The following UVRAG variants were observed in gnomAD, a reference collection of about 807,000 sequenced individuals.
UVRAG encodes UV radiation resistance-associated gene protein.
UVRAG carries 19 observed loss-of-function variants against 78.0 expected under a neutral mutation model. The observed-to-expected ratio is 0.24, with a 90% CI of 0.17 to 0.36. The LOEUF (loss-of-function observed/expected upper bound fraction) is 0.36. Among genes scored for constraint, UVRAG ranks in the 10% least tolerant of loss-of-function variants. The pLI, the probability that UVRAG is intolerant of heterozygous loss-of-function variation, is 1.00. For missense variants in UVRAG, 740 were observed against 853.8 expected (o/e 0.87, Z 1.66); for synonymous variants, 323 against 324.6 (o/e 1.00, Z 0.05).
At chr11:76,136,481 C>A (rs1450474164) in intron 14 of UVRAG, among the ~76,000 whole-genome samples, 1 of 150,900 alleles carries the variant, frequency 6.6e-6, no homozygotes, top group Non-Finnish European at 1.5e-5. Context: ...ATACCAGAAA[C>A]ACAGCTTTAG....
intron 6 of UVRAG, among the ~76,000 whole-genome samples, chr11:75,932,505 C>T (rs193084004): frequency 5.3e-5 from 8 of 152,034 alleles, no homozygotes; most frequent in South Asian, 2.1e-4. Context: ...AGGATGGTCT[C>T]GATCTCCTGA....
chr11:75,991,825 A>G (rs995144797), intron 8 of UVRAG, among the ~76,000 whole-genome samples: 2 of 152,158 alleles, frequency 1.3e-5, no homozygotes, highest in Non-Finnish European at 2.9e-5. Flanking sequence ...TTATAAGCAA[A>G]TGAACATCTA....
At chr11:76,061,599 C>T (rs941572908) in intron 12 of UVRAG, among the ~76,000 whole-genome samples, 4 of 151,828 alleles carry the variant, frequency 2.6e-5, no homozygotes, top group African/African-American at 4.8e-5. Context: ...CAACTCCAGA[C>T]GCGCCACCTT....
chr11:76,018,405 T>G lies in UVRAG; in HGVS notation c.1226+1425T>G, dbSNP rs560442257. Among the ~76,000 whole-genome samples the G allele has an allele frequency of 3.9e-5, 6 of 152,202 alleles. No homozygotes were observed. The East Asian group carries it at 5.8e-4, about 15-fold the overall frequency. The stretch of plus-strand genomic sequence containing the variant: ...AATTATTTGGTTCCACTGTGTTTTT[T>G]TTGTTGTTGTTGTTTGTTTTTTTGA... On this transcript the variant is annotated intron_variant, in intron 12 of 14. Coordinates refer to ENST00000356136, the MANE Select transcript of UVRAG (RefSeq NM_003369.4).
chr11:76,008,699 T>C (rs1949996193), intron 10 of UVRAG, 108 bp from the exon 11 acceptor site: 3 of 536,960 alleles, frequency 5.6e-6, no homozygotes, highest in Non-Finnish European at 9.9e-6. Context: ...ATGATAATAC[T>C]TGGAGTTTAG....
chr11:75,862,594 T>C (rs1946446861), intron 3 of UVRAG, among the ~76,000 whole-genome samples: 1 of 152,234 alleles, frequency 6.6e-6, no homozygotes, highest in Non-Finnish European at 1.5e-5. Flanking sequence ...TCCTTATGTC[T>C]AGAACACTTG....
intron 6 of UVRAG, among the ~76,000 whole-genome samples, chr11:75,937,798 A>C (rs907202076): frequency 1.6e-4 from 25 of 152,098 alleles, no homozygotes; most frequent in African/African-American, 6.0e-4. Context: ...GATATTTTGC[A>C]ACCATTAATT....
chr11:75,897,975 TTC>T (rs1390132885), intron 5 of UVRAG, among the ~76,000 whole-genome samples: 2 of 147,190 alleles, frequency 1.4e-5, no homozygotes, highest in South Asian at 2.2e-4. Flanking sequence ...GTTCAAGCAA[TTC>T]TCTCTCTCAG....
At chr11:75,903,792 G>A (rs1440860486) in intron 5 of UVRAG, among the ~76,000 whole-genome samples, 1 of 152,144 alleles carries the variant, frequency 6.6e-6, no homozygotes, top group East Asian at 1.9e-4. Context: ...CACCATCTAT[G>A]TACTCGGTGT....
chr11:76,056,697 A>C (rs1351694047), intron 12 of UVRAG, among the ~76,000 whole-genome samples: 2 of 152,214 alleles, frequency 1.3e-5, no homozygotes, highest in Non-Finnish European at 2.9e-5. Context: ...GATCATATTC[A>C]GTTTTCTTGG....
At chr11:75,847,192 A>C (rs1158100991) in intron 1 of UVRAG, among the ~76,000 whole-genome samples, 1 of 150,618 alleles carries the variant, frequency 6.6e-6, no homozygotes, top group Non-Finnish European at 1.5e-5. Context: ...CAGTGGCGTG[A>C]TCTCGGCTTA....
chr11:75,992,931 A>G (rs1003680082), intron 8 of UVRAG, among the ~76,000 whole-genome samples: 3 of 152,194 alleles, frequency 2.0e-5, no homozygotes, highest in African/African-American at 7.2e-5. Context: ...TGATTTGCTG[A>G]TATGAATATT....
chr11:76,027,515 G>A (rs1014968584), intron 12 of UVRAG, among the ~76,000 whole-genome samples: 1 of 151,882 alleles, frequency 6.6e-6, no homozygotes, highest in African/African-American at 2.4e-5. Flanking sequence ...GGACTTTGGG[G>A]TCATGTTGGC....
intron 14 of UVRAG, among the ~76,000 whole-genome samples, chr11:76,124,724 T>C (rs1952354413): frequency 6.6e-6 from 1 of 152,212 alleles, no homozygotes; most frequent in Non-Finnish European, 1.5e-5. Context: ...AGTGGTAAAA[T>C]CTCCAGATAG....
chr11:75,846,256 C>G (rs7122386), intron 1 of UVRAG, among the ~76,000 whole-genome samples: 3 of 152,082 alleles, frequency 2.0e-5, no homozygotes, highest in Non-Finnish European at 2.9e-5. Context: ...AGACTTACCG[C>G]GTTTCAGTCA....
intron 14 of UVRAG, among the ~76,000 whole-genome samples, chr11:76,124,752 T>A (rs1952355086): frequency 6.6e-6 from 1 of 152,258 alleles, no homozygotes; most frequent in Non-Finnish European, 1.5e-5. Flanking sequence ...GCTGACCTAT[T>A]TCTAATGTAG....
chr11:76,129,174 A>C (rs941195857), intron 14 of UVRAG, among the ~76,000 whole-genome samples: 1 of 152,214 alleles, frequency 6.6e-6, no homozygotes, highest in African/African-American at 2.4e-5. Context: ...ATCAAGTGGA[A>C]GAGCTAAGAT....
intron 13 of UVRAG, among the ~76,000 whole-genome samples, chr11:76,090,707 T>A (rs1439092307): frequency 6.6e-6 from 1 of 152,244 alleles, no homozygotes; most frequent in Non-Finnish European, 1.5e-5. Context: ...TATTTTCTTA[T>A]TTTTTCTTTG....
At chr11:76,123,598 T>C (rs73498295) in intron 14 of UVRAG, among the ~76,000 whole-genome samples, 18,857 of 152,176 alleles carry the variant, frequency 0.12, 2,947 homozygotes, top group African/African-American at 0.37. Context: ...ATTTTTTTAT[T>C]CTAAGTTTAA....
Sources: allele counts gnomAD v4.1 joint callset (sites outside exome capture counted in the v4.1 genomes callset), GRCh38; gene constraint gnomAD v4.1.1; transcripts MANE v1.5; gene names NCBI Gene and HGNC (gene_info 2026-07-23, HGNC 2026-07-21).